Variants in PCCB observed in about 807,000 individuals in gnomAD.
PCCB encodes propionyl-CoA carboxylase beta chain, mitochondrial.
Under a neutral mutation model 60.7 loss-of-function variants are expected in PCCB, and 43 were observed. The ratio of observed to expected loss-of-function variants is 0.71; its 90% CI spans 0.55 to 0.91. The LOEUF is 0.91. Among genes scored for constraint, PCCB ranks in the 40% least tolerant of loss-of-function variants. The pLI, the probability that PCCB is intolerant of heterozygous loss-of-function variation, is 0.00. For synonymous variants in PCCB, 276 were observed against 255.9 expected (o/e 1.08, Z -0.75); for missense variants, 766 against 702.8 (o/e 1.09, Z -1.02).
chr3:136,310,803 A>G (rs1316985980), intron 9 of PCCB, among the ~76,000 whole-genome samples: 1 of 152,190 alleles, frequency 6.6e-6, no homozygotes, highest in African/African-American at 2.4e-5. Flanking sequence ...GAAACTCAAT[A>G]ATATACTGTA....
intron 2 of PCCB, 157 bp downstream of exon 2, chr3:136,256,132 G>A: frequency 9.3e-7 from 1 of 1,077,420 alleles, no homozygotes; most frequent in Non-Finnish European, 1.3e-6. Context: ...TAGTAGAGAT[G>A]GGCTTTCGCC....
chr3:136,279,603 T>C (rs1221941669), intron 5 of PCCB, among the ~76,000 whole-genome samples: 1 of 152,218 alleles, frequency 6.6e-6, no homozygotes, highest in African/African-American at 2.4e-5. Context: ...ATTATATCTT[T>C]ATACATGTTA....
chr3:136,322,295 T>C (rs745636504), intron 10 of PCCB, among the ~76,000 whole-genome samples: 14 of 152,236 alleles, frequency 9.2e-5, no homozygotes, highest in Non-Finnish European at 1.9e-4. Flanking sequence ...TAAACTCACA[T>C]ACCTGAGATA....
intron 2 of PCCB, 56 bp from the exon 3 acceptor site, chr3:136,256,499 C>T: frequency 7.7e-7 from 1 of 1,296,632 alleles, no homozygotes. Flanking sequence ...AGTGGCCAAA[C>T]TCATTAGAAG....
At position 136,301,080 on chromosome 3, in the gene PCCB, A is replaced by C. The variant is rs1192873802; in HGVS notation, c.935A>C (p.Lys312Thr). 2.5e-6 allele frequency: 4 copies of C among 1,614,110 alleles called. No individual in the cohort carries two copies. The highest frequency in any genetic ancestry group is 3.4e-6 in the Non-Finnish European group (4 of 1,179,948). ...LDTIVPLEST[K>T]AYNMVDIIHS... ...ACAATTGTCCCTTTGGAATCAACCA[A>C]AGCCTACAACATGGTGGACATCATA... The change falls in exon 9 of 15, where the codon AAA becomes ACA. Residue 312 changes from lysine (K) to threonine (T), a missense_variant. Physicochemically the swap from Lys to Thr is moderately conservative, Grantham distance 78. Transcript: ENST00000251654.
chr3:136,297,031 A>G (rs1933971010), intron 7 of PCCB, among the ~76,000 whole-genome samples: 1 of 152,228 alleles, frequency 6.6e-6, no homozygotes, highest in Non-Finnish European at 1.5e-5. Context: ...TGCTATGGAA[A>G]AAGTATAACA....
intron 1 of PCCB, among the ~76,000 whole-genome samples, chr3:136,253,808 T>G (rs1941592980): frequency 6.6e-6 from 1 of 151,662 alleles, no homozygotes; most frequent in African/African-American, 2.4e-5. Context: ...CTGCTAGTTA[T>G]TTTATTTTAT....
At chr3:136,307,827 T>C (rs886650475) in intron 9 of PCCB, among the ~76,000 whole-genome samples, 2 of 151,468 alleles carry the variant, frequency 1.3e-5, no homozygotes, top group Non-Finnish European at 2.9e-5. Flanking sequence ...AATACAAAAT[T>C]AGCCAGGTGT....
chr3:136,295,497 A>G (rs192886576), intron 7 of PCCB, among the ~76,000 whole-genome samples: 7 of 152,216 alleles, frequency 4.6e-5, no homozygotes, highest in South Asian at 4.1e-4. Flanking sequence ...ACTTCTTAGC[A>G]TCAACTCCAG....
At chr3:136,259,961 A>G (rs1941776539) in intron 3 of PCCB, among the ~76,000 whole-genome samples, 2 of 151,888 alleles carry the variant, frequency 1.3e-5, no homozygotes, top group South Asian at 4.2e-4. Flanking sequence ...CATGTTGGCC[A>G]GGGTGGTCTG....
chr3:136,297,217 C>T (rs189728183), intron 7 of PCCB, among the ~76,000 whole-genome samples: 2 of 152,002 alleles, frequency 1.3e-5, no homozygotes, highest in East Asian at 1.9e-4. Flanking sequence ...GTGACTGGCC[C>T]GATCAGTGAA....
chr3:136,252,947 A>G (rs1056561119), intron 1 of PCCB, among the ~76,000 whole-genome samples: 3 of 148,474 alleles, frequency 2.0e-5, no homozygotes, highest in Non-Finnish European at 4.5e-5. Context: ...AGCTTTGGCT[A>G]CTTTCCTAAG....
intron 5 of PCCB, among the ~76,000 whole-genome samples, chr3:136,265,141 T>G (rs1022684001): frequency 1.3e-5 from 2 of 152,120 alleles, no homozygotes; most frequent in Non-Finnish European, 2.9e-5. Flanking sequence ...TGCAGTGAAC[T>G]GAGATCATGC....
At chr3:136,250,775 G>C (rs943363568) in intron 1 of PCCB, among the ~76,000 whole-genome samples, 1 of 152,198 alleles carries the variant, frequency 6.6e-6, no homozygotes, top group African/African-American at 2.4e-5. Flanking sequence ...TTAACCCTTG[G>C]GATTTAGACG....
chr3:136,322,143 T>G (rs1401299878), intron 10 of PCCB, among the ~76,000 whole-genome samples: 1 of 152,230 alleles, frequency 6.6e-6, no homozygotes, highest in East Asian at 1.9e-4. Context: ...TTCCCCTCTA[T>G]ACCTAGTTTA....
chr3:136,255,832 T>C (rs776371885), intron 1 of PCCB, 24 bp from the exon 2 acceptor site: 73 of 1,598,952 alleles, frequency 4.6e-5, no homozygotes, highest in Non-Finnish European at 6.2e-5. Flanking sequence ...ATGACATCAC[T>C]GAGTGATCTT....
intron 8 of PCCB, among the ~76,000 whole-genome samples, chr3:136,299,663 T>C (rs1934133160): frequency 7.7e-6 from 1 of 129,666 alleles, no homozygotes; most frequent in South Asian, 2.7e-4. Context: ...TGTGTATGTA[T>C]AGGTATGCAT....
chr3:136,250,405 C>T lies in PCCB; in HGVS notation c.30C>T (p.Val10=), dbSNP rs754303318. ...CGGCGGCATTACGGGTGGCGGCGGTCGGGGCAAGGCTCAGCGTTCTGGCGA... is the reference window on the plus strand; with the variant it reads ...CGGCGGCATTACGGGTGGCGGCGGTTGGGGCAAGGCTCAGCGTTCTGGCGA... MAAALRVAA[V]GARLSVLASG... Residue 10 remains valine (V), a synonymous_variant, in exon 1 of 15, where the codon GTC becomes GTT. Coordinates refer to ENST00000251654, the MANE Select transcript of PCCB (RefSeq NM_000532.5). The T allele has an allele frequency of 3.2e-6, 5 of 1,544,240 alleles. No homozygotes were observed. The highest frequency in any genetic ancestry group is 4.4e-6 in the Non-Finnish European group (5 of 1,142,558).
At chr3:136,329,464 T>G (rs1935459320) in intron 14 of PCCB, among the ~76,000 whole-genome samples, 1 of 152,190 alleles carries the variant, frequency 6.6e-6, no homozygotes, top group South Asian at 2.1e-4. Context: ...TTTGCCACAT[T>G]TTATAGGCCA....
Sources: allele counts gnomAD v4.1 joint callset (sites outside exome capture counted in the v4.1 genomes callset), GRCh38; gene constraint gnomAD v4.1.1; transcripts MANE v1.5; gene names NCBI Gene and HGNC (gene_info 2026-07-23, HGNC 2026-07-21).